GCNT2: variants seen among roughly 807,000 people sequenced by gnomAD.
GCNT2 encodes the protein glucosaminyl (N-acetyl) transferase 2 (I blood group), also known as N-acetyllactosaminide beta-1,6-N-acetylglucosaminyl-transferase.
Under a neutral mutation model 34.2 loss-of-function variants are expected in GCNT2, and 34 were observed. That is an observed-to-expected ratio of 1.00 (90% confidence interval 0.76 to 1.32). The LOEUF (loss-of-function observed/expected upper bound fraction) is 1.32, where lower values mean the gene tolerates loss of function less well. Ranked by LOEUF, GCNT2 falls within the 40% of genes most tolerant of loss-of-function variation. GCNT2 has a pLI of 0.00. For synonymous variants in GCNT2, 212 were observed against 188.0 expected, an observed-to-expected ratio of 1.13 and a Z score of -1.04; for missense variants, 584 against 489.4, an observed-to-expected ratio of 1.19 and a Z score of -1.82.
chr6:10,560,342 C>T (rs1581406482), intron 3 of GCNT2, among the ~76,000 whole-genome samples: 1 of 152,152 alleles, frequency 6.6e-6, no homozygotes, highest in South Asian at 2.1e-4. Flanking sequence ...CCGCCCACCT[C>T]GGCCTCCCAA....
At chr6:10,543,313 C>G (rs894596350) in intron 3 of GCNT2, among the ~76,000 whole-genome samples, 1 of 152,164 alleles carries the variant, frequency 6.6e-6, no homozygotes, top group Non-Finnish European at 1.5e-5. Context: ...CTCAGCCTCC[C>G]AAGTAGCTGG....
intron 4 of GCNT2, among the ~76,000 whole-genome samples, chr6:10,624,747 C>T (rs750895897): frequency 6.6e-6 from 1 of 152,208 alleles, no homozygotes; most frequent in African/African-American, 2.4e-5. Flanking sequence ...ATTGTTCCCT[C>T]CTGTTTCAAG....
intron 4 of GCNT2, among the ~76,000 whole-genome samples, chr6:10,624,076 T>C (rs148015443): frequency 6.6e-6 from 1 of 152,268 alleles, no homozygotes; most frequent in Non-Finnish European, 1.5e-5. Flanking sequence ...AAACCCACCA[T>C]TGGGTCCTGT....
intron 3 of GCNT2, among the ~76,000 whole-genome samples, chr6:10,615,807 A>G (rs556310073): frequency 6.6e-6 from 1 of 152,346 alleles, no homozygotes; most frequent in Admixed American, 6.5e-5. Context: ...TAGACCATAG[A>G]GGGCAACTTC....
At chr6:10,579,395 A>T (rs557308527) in intron 3 of GCNT2, among the ~76,000 whole-genome samples, 1 of 152,322 alleles carries the variant, frequency 6.6e-6, no homozygotes, top group South Asian at 2.1e-4. Flanking sequence ...TTGTTTCACT[A>T]AATGTTTGTA....
At chr6:10,538,440 ATATAT>A in intron 3 of GCNT2, among the ~76,000 whole-genome samples, 1 of 121,378 alleles carries the variant, frequency 8.2e-6, no homozygotes, top group African/African-American at 3.0e-5. Flanking sequence ...AAAAAAAAAT[ATATAT>A]ATATATATAT....
At chr6:10,578,250 A>C (rs1224809166) in intron 3 of GCNT2, among the ~76,000 whole-genome samples, 1 of 151,348 alleles carries the variant, frequency 6.6e-6, no homozygotes, top group South Asian at 2.1e-4. Flanking sequence ...AATTAGCTGG[A>C]CACATCTATA....
chr6:10,606,378 G>T (rs9466918), intron 3 of GCNT2, among the ~76,000 whole-genome samples: 68,458 of 151,938 alleles, frequency 0.45, 17,274 homozygotes, highest in East Asian at 0.64. Flanking sequence ...GATCCAAGAG[G>T]TAGAGAAACA....
intron 3 of GCNT2, among the ~76,000 whole-genome samples, chr6:10,531,715 T>C (rs954108672): frequency 5.9e-5 from 9 of 152,100 alleles, no homozygotes; most frequent in African/African-American, 1.9e-4. Flanking sequence ...TTAAATAGAA[T>C]TGTAGTGTCC....
intron 3 of GCNT2, among the ~76,000 whole-genome samples, chr6:10,549,515 T>G (rs1205165622): frequency 6.6e-6 from 1 of 151,632 alleles, no homozygotes; most frequent in Non-Finnish European, 1.5e-5. Flanking sequence ...CTTCACGAAT[T>G]GAATTGGTAT....
chr6:10,612,828 C>T (rs1765617986), intron 3 of GCNT2, among the ~76,000 whole-genome samples: 1 of 152,172 alleles, frequency 6.6e-6, no homozygotes, highest in African/African-American at 2.4e-5. Flanking sequence ...TCATAATGAA[C>T]ATCTTCATAT....
chr6:10,611,437 T>A (rs1765551790), intron 3 of GCNT2, among the ~76,000 whole-genome samples: 1 of 151,916 alleles, frequency 6.6e-6, no homozygotes. Flanking sequence ...TTCAAGCAAT[T>A]CTCCTGCCTC....
At chr6:10,591,148 G>GCT (rs944082049) in intron 3 of GCNT2, among the ~76,000 whole-genome samples, 51 of 152,148 alleles carry the variant, frequency 3.4e-4, no homozygotes, top group African/African-American at 1.2e-3. Context: ...CAGTATTTGA[G>GCT]CTCCTTAAGC....
In GCNT2 at chr6:10,552,456, A is replaced by T. The variant is rs148128559; in HGVS notation, c.925+22620A>T. ...CTTGGATTCGACCTTGGGCGGGGGA[A>T]AAAGAGTGGTTGCTTCTGTACTGAA... On this transcript the variant is annotated intron_variant, in intron 3 of 4. Coordinates refer to ENST00000495262, the MANE Select transcript of GCNT2 (RefSeq NM_145649.5). Among the ~76,000 whole-genome samples, 1,006 of 152,140 alleles carry T rather than the reference A, an allele frequency of 6.6e-3. 12 individuals are homozygous for T. Among genetic ancestry groups the T allele is most frequent in the African/African-American group, 0.023 (941 of 41,482 alleles).
intron 3 of GCNT2, among the ~76,000 whole-genome samples, chr6:10,613,499 A>G (rs536399364): frequency 2.0e-5 from 3 of 152,310 alleles, no homozygotes; most frequent in East Asian, 3.9e-4. Flanking sequence ...CTGACAAAGA[A>G]TAGTGATAGT....
chr6:10,596,401 A>G (rs1328762335), intron 3 of GCNT2, among the ~76,000 whole-genome samples: 5 of 152,090 alleles, frequency 3.3e-5, no homozygotes, highest in Non-Finnish European at 7.4e-5. Context: ...CATGCCTGTA[A>G]TCCCAGCCAC....
intron 3 of GCNT2, among the ~76,000 whole-genome samples, chr6:10,582,432 T>TAAA (rs1491347451): frequency 9.8e-4 from 123 of 125,626 alleles, no homozygotes; most frequent in African/African-American, 3.3e-3. Flanking sequence ...TATACTATAA[T>TAAA]TTAATATTTA....
chr6:10,562,284 A>G (rs1763021298), intron 3 of GCNT2, among the ~76,000 whole-genome samples: 2 of 152,108 alleles, frequency 1.3e-5, no homozygotes, highest in Admixed American at 6.5e-5. Flanking sequence ...CCATCAGGCA[A>G]ATTCTCCCCA....
chr6:10,556,731 A>T (rs1561796800), intron 3 of GCNT2: 1 of 1,614,240 alleles, frequency 6.2e-7, no homozygotes, highest in Non-Finnish European at 8.5e-7. Context: ...GTCATCCATC[A>T]TCACTTTGAC....
Sources: gnomAD v4.1 joint callset for allele counts (sites outside exome capture counted in the v4.1 genomes callset) on GRCh38, gnomAD v4.1.1 for gene constraint, MANE v1.5 for transcripts, NCBI Gene and HGNC (gene_info 2026-07-23, HGNC 2026-07-21) for gene names.